Variants in CLINT1 observed in about 807,000 individuals in gnomAD.
CLINT1 encodes clathrin interacting protein localized in the trans-Golgi region.
CLINT1 carries 15 observed loss-of-function variants against 70.4 expected under a neutral mutation model. The ratio of observed to expected loss-of-function variants is 0.21; its 90% CI spans 0.14 to 0.33. CLINT1 has a LOEUF of 0.33. Ranked by LOEUF, CLINT1 falls within the 10% of genes least tolerant of loss-of-function variation. CLINT1 has a pLI of 1.00. For synonymous variants in CLINT1, 227 were observed against 254.7 expected (o/e 0.89, Z 1.04); for missense variants, 615 against 778.1 (o/e 0.79, Z 2.49).
At chr5:157,830,687 G>A (rs1158777380) in intron 1 of CLINT1, among the ~76,000 whole-genome samples, 2 of 150,424 alleles carry the variant, frequency 1.3e-5, no homozygotes, top group African/African-American at 4.9e-5. Context: ...ACCAGCCTGG[G>A]CAATATAGAG....
rs1366936782 is a variant in CLINT1, at chr5:157,803,925, G to T, written c.943-206C>A. On this transcript the variant is annotated intron_variant, in intron 7 of 11. Coordinates refer to ENST00000411809, the MANE Select transcript of CLINT1 (RefSeq NM_014666.4). ...TACCTCCATTCCCAGCAGTGTAAAA[G>T]TCTCTTAACATTGACACTTTTTTTC... Among the ~76,000 whole-genome samples the T allele has an allele frequency of 2.0e-5, 3 of 151,182 alleles. No individual in the cohort carries two copies. In the East Asian group the frequency reaches 5.8e-4, roughly 29 times the overall value.
chr5:157,789,906 A>C, intron 10 of CLINT1: 1 of 231,730 alleles, frequency 4.3e-6, no homozygotes, highest in Non-Finnish European at 8.6e-6. Context: ...ATTCTTTCAA[A>C]ACAGAATTCA....
At chr5:157,810,235 A>T (rs1287534408) in intron 5 of CLINT1, among the ~76,000 whole-genome samples, 1 of 152,238 alleles carries the variant, frequency 6.6e-6, no homozygotes, top group African/African-American at 2.4e-5. Context: ...GGATAGCAAC[A>T]GTATCTTAAA....
chr5:157,822,212 C>CT (rs11344096), intron 1 of CLINT1, among the ~76,000 whole-genome samples: 1,589 of 143,660 alleles, frequency 0.011, 25 homozygotes, highest in African/African-American at 0.034. Flanking sequence ...ATTTGATGGT[C>CT]TTTTTTTTTT....
In CLINT1 at chr5:157,795,287, T is replaced by C. The variant is rs968417433; in HGVS notation, c.1013-315A>G. On this transcript the variant is annotated intron_variant, in intron 8 of 11. Coordinates refer to ENST00000411809, the MANE Select transcript of CLINT1 (RefSeq NM_014666.4). ...CTTATCTAGCCAATTATGCTCTTTA[T>C]AAGGAGTCTTCAATGGATTCTAAAA... The C allele has an allele frequency of 1.5e-4, 35 of 228,620 alleles. 1 individual carries two copies. Among genetic ancestry groups the C allele is most frequent in the East Asian group, 1.1e-3 (11 of 10,198 alleles). The allele number at this position is 228,620 out of a possible 1,614,324, so 14.2% of individuals were successfully genotyped here.
chr5:157,855,932 T>C (rs1753744520), intron 1 of CLINT1, among the ~76,000 whole-genome samples: 1 of 147,990 alleles, frequency 6.8e-6, no homozygotes, highest in Non-Finnish European at 1.5e-5. Flanking sequence ...CGAAACCCCA[T>C]CTCAAAAAAA....
At chr5:157,822,502 T>C (rs897172847) in intron 1 of CLINT1, among the ~76,000 whole-genome samples, 1 of 152,204 alleles carries the variant, frequency 6.6e-6, no homozygotes, top group African/African-American at 2.4e-5. Context: ...CTTCCCAGTC[T>C]TGGGTATGCC....
intron 1 of CLINT1, among the ~76,000 whole-genome samples, chr5:157,833,091 C>T (rs1763298207): frequency 6.6e-6 from 1 of 152,192 alleles, no homozygotes; most frequent in Admixed American, 6.5e-5. Flanking sequence ...TGGCTCACTC[C>T]TGTAATTCCG....
intron 1 of CLINT1, among the ~76,000 whole-genome samples, chr5:157,855,733 A>G (rs777974343): frequency 2.6e-5 from 4 of 152,122 alleles, no homozygotes; most frequent in Non-Finnish European, 5.9e-5. Context: ...TCAGGAGTTC[A>G]AGACCAGCCT....
rs775105603 is a variant in CLINT1 at position 157,791,803 on chromosome 5, A to G, written c.1280T>C (p.Met427Thr). The change falls in exon 10 of 12, where the codon ATG becomes ACG. Residue 427 changes from methionine (M) to threonine (T), a missense_variant. Transcript: ENST00000411809. ...ASNSSDLFDL[M>T]GSSQATMTSS... ...TGTCATGGTTGCCTGGGACGAGCCC[A>G]TAAGATCAAACAGGTCTGAAGAATT... 6 of 1,614,014 alleles carry G rather than the reference A, an allele frequency of 3.7e-6. No homozygotes were observed. In the East Asian group the frequency reaches 6.7e-5, roughly 18 times the overall value.
At chr5:157,839,716 C>T (rs1041500700) in intron 1 of CLINT1, among the ~76,000 whole-genome samples, 8 of 138,404 alleles carry the variant, frequency 5.8e-5, no homozygotes, top group African/African-American at 2.3e-4. Context: ...CTAATTACAA[C>T]AAAAATCTAT....
intron 1 of CLINT1, among the ~76,000 whole-genome samples, chr5:157,830,796 C>CTCTCTCTATATATATA (rs1300619885): frequency 1.2e-5 from 1 of 85,720 alleles, no homozygotes; most frequent in African/African-American, 5.1e-5. Context: ...CTCTCTCTCT[C>CTCTCTCTATATATATA]TATATATATA....
chr5:157,806,393 C>T (rs1045768851), intron 6 of CLINT1, among the ~76,000 whole-genome samples: 2 of 146,612 alleles, frequency 1.4e-5, no homozygotes, highest in African/African-American at 5.3e-5. Context: ...GTCAAAATAA[C>T]TCGTTTTTAT....
intron 1 of CLINT1, among the ~76,000 whole-genome samples, chr5:157,818,790 A>T (rs575914280): frequency 2.0e-5 from 3 of 152,224 alleles, no homozygotes; most frequent in Non-Finnish European, 4.4e-5. Context: ...GTTAAAATGG[A>T]ATTTCTCATG....
At chr5:157,853,105 T>C (rs1753628088) in intron 1 of CLINT1, among the ~76,000 whole-genome samples, 1 of 152,176 alleles carries the variant, frequency 6.6e-6, no homozygotes, top group Non-Finnish European at 1.5e-5. Context: ...CCCAGCCCTT[T>C]GGGAGGCTAA....
intron 1 of CLINT1, among the ~76,000 whole-genome samples, chr5:157,855,907 C>T (rs1009491175): frequency 1.3e-5 from 2 of 151,954 alleles, no homozygotes; most frequent in Admixed American, 1.3e-4. Context: ...TGCACTTCAG[C>T]CCCGGGAACA....
chr5:157,811,656 C>G (rs1372845128), intron 5 of CLINT1, among the ~76,000 whole-genome samples: 5 of 152,092 alleles, frequency 3.3e-5, no homozygotes, highest in Non-Finnish European at 2.9e-5. Flanking sequence ...CACAGGATAT[C>G]CAACTCTATC....
At chr5:157,793,425 C>T (rs1156881396) in intron 9 of CLINT1, among the ~76,000 whole-genome samples, 2 of 152,058 alleles carry the variant, frequency 1.3e-5, no homozygotes, top group Admixed American at 6.6e-5. Context: ...TGGGAGGAAA[C>T]GATTTCTAGT....
At chr5:157,806,982 GAGAGAGAGCGAA>G (rs1762406181) in intron 6 of CLINT1, among the ~76,000 whole-genome samples, 2 of 152,078 alleles carry the variant, frequency 1.3e-5, no homozygotes, top group East Asian at 3.9e-4. Context: ...GAGAGAGAGA[GAGAGAGAGCGAA>G]AGAGAGAGAA....
Sources: gnomAD v4.1 joint callset for allele counts (sites outside exome capture counted in the v4.1 genomes callset) on GRCh38, gnomAD v4.1.1 for gene constraint, MANE v1.5 for transcripts, NCBI Gene and HGNC (gene_info 2026-07-23, HGNC 2026-07-21) for gene names.